The following CDH18 variants were observed in gnomAD, a reference collection of about 807,000 sequenced individuals.
CDH18 encodes cadherin-18.
Under a neutral mutation model 67.9 loss-of-function variants are expected in CDH18, and 31 were observed. That is an observed-to-expected ratio of 0.46 (90% CI 0.34 to 0.62). The LOEUF is 0.62. Among genes scored for constraint, CDH18 ranks in the 20% least tolerant of loss-of-function variants. The pLI is 0.01. For synonymous variants in CDH18, 362 were observed against 347.2 expected, an observed-to-expected ratio of 1.04 and a Z score of -0.48; for missense variants, 890 against 975.5, an observed-to-expected ratio of 0.91 and a Z score of 1.17.
At chr5:20,153,463 C>T (rs944623610) in intron 2 of CDH18, among the ~76,000 whole-genome samples, 2 of 152,152 alleles carry the variant, frequency 1.3e-5, no homozygotes, top group African/African-American at 4.8e-5. Context: ...ATGCATTAAA[C>T]ACTTACTGAT....
At chr5:20,399,292 A>G (rs940402565) in intron 1 of CDH18, among the ~76,000 whole-genome samples, 1 of 152,226 alleles carries the variant, frequency 6.6e-6, no homozygotes, top group African/African-American at 2.4e-5. Flanking sequence ...GACAATAGTG[A>G]TGATAAAATA....
chr5:19,827,839 A>G (rs1780564163), intron 3 of CDH18, among the ~76,000 whole-genome samples: 1 of 152,116 alleles, frequency 6.6e-6, no homozygotes, highest in Non-Finnish European at 1.5e-5. Flanking sequence ...AACCAACCAC[A>G]AAGTTTGCAG....
At chr5:19,665,898 T>C (rs933652994) in intron 5 of CDH18, among the ~76,000 whole-genome samples, 2 of 152,016 alleles carry the variant, frequency 1.3e-5, no homozygotes, top group African/African-American at 4.8e-5. Flanking sequence ...ACAGAATATG[T>C]GACACAGAAA....
intron 1 of CDH18, among the ~76,000 whole-genome samples, chr5:20,395,841 G>T (rs572151694): frequency 1.3e-5 from 2 of 152,180 alleles, no homozygotes; most frequent in Admixed American, 6.6e-5. Flanking sequence ...AAGGCTGAAG[G>T]CTTAGAAACC....
At chr5:19,645,686 C>T (rs529544210) in intron 5 of CDH18, among the ~76,000 whole-genome samples, 5 of 152,202 alleles carry the variant, frequency 3.3e-5, no homozygotes, top group East Asian at 1.9e-4. Flanking sequence ...TGAATAAGCA[C>T]GTCCTAAGGC....
intron 2 of CDH18, among the ~76,000 whole-genome samples, chr5:19,943,736 T>C (rs1169401830): frequency 6.6e-6 from 1 of 152,070 alleles, no homozygotes; most frequent in Non-Finnish European, 1.5e-5. Context: ...TAGAGTATTA[T>C]AGTGTTCTAT....
intron 2 of CDH18, among the ~76,000 whole-genome samples, chr5:19,909,712 T>C (rs1412540367): frequency 6.6e-6 from 1 of 152,050 alleles, no homozygotes; most frequent in African/African-American, 2.4e-5. Flanking sequence ...AATCTATACA[T>C]ATTGATGTCT....
chr5:19,582,507 A>G (rs181563139), intron 7 of CDH18, among the ~76,000 whole-genome samples: 3 of 152,084 alleles, frequency 2.0e-5, no homozygotes, highest in Non-Finnish European at 4.4e-5. Context: ...AAGTCATCCA[A>G]AATATAGTAA....
chr5:20,334,421 G>GCCAC (rs1259432297), intron 1 of CDH18, among the ~76,000 whole-genome samples: 2 of 151,900 alleles, frequency 1.3e-5, no homozygotes, highest in East Asian at 3.9e-4. Context: ...ACAGGCGTGA[G>GCCAC]CCACCGCGCC....
At chr5:20,409,586 C>G (rs2150141503) in intron 1 of CDH18, among the ~76,000 whole-genome samples, 1 of 151,428 alleles carries the variant, frequency 6.6e-6, no homozygotes, top group East Asian at 1.9e-4. Flanking sequence ...AATAAACAAC[C>G]TAACTTTACA....
intron 2 of CDH18, among the ~76,000 whole-genome samples, chr5:20,023,270 G>GT (rs1738584530): frequency 6.6e-6 from 1 of 152,070 alleles, no homozygotes; most frequent in African/African-American, 2.4e-5. Context: ...AGCTTTGCCT[G>GT]TGCTCAGGCT....
At chr5:20,009,356 A>G (rs1561709500) in intron 2 of CDH18, among the ~76,000 whole-genome samples, 1 of 152,126 alleles carries the variant, frequency 6.6e-6, no homozygotes, top group Non-Finnish European at 1.5e-5. Flanking sequence ...TGGAAGATGC[A>G]TTCTAAAATA....
chr5:19,988,602 G>T (rs1036663168), upstream of CDH18, among the ~76,000 whole-genome samples: 2 of 152,090 alleles, frequency 1.3e-5, no homozygotes, highest in Non-Finnish European at 2.9e-5. Flanking sequence ...CTCTGCGGGG[G>T]AGGGGAAACT....
At chr5:20,209,525 G>A (rs113894807) in intron 2 of CDH18, among the ~76,000 whole-genome samples, 1,613 of 152,096 alleles carry the variant, frequency 0.011, 19 homozygotes, top group African/African-American at 0.026. Flanking sequence ...TCACTCATAC[G>A]TGGGAGCTTA....
intron 1 of CDH18, among the ~76,000 whole-genome samples, chr5:20,504,713 A>G (rs1432357256): frequency 6.6e-6 from 1 of 151,934 alleles, no homozygotes; most frequent in East Asian, 2.0e-4. Flanking sequence ...TAAACTTAAT[A>G]AAAAATAAAG....
intron 2 of CDH18, among the ~76,000 whole-genome samples, chr5:20,052,129 TCAGAGAGAGCATTACA>T (rs1741478716): frequency 6.6e-6 from 1 of 152,108 alleles, no homozygotes; most frequent in African/African-American, 2.4e-5. Context: ...AGTGGTTGAG[TCAGAGAGAGCATTACA>T]CTGTAAATGG....
chr5:19,768,339 T>G (rs1561261799), intron 3 of CDH18, among the ~76,000 whole-genome samples: 1 of 152,084 alleles, frequency 6.6e-6, no homozygotes, highest in Non-Finnish European at 1.5e-5. Flanking sequence ...GAATTAGAGA[T>G]TTATAAGGAA....
chr5:20,452,299 T>G (rs1750508713), intron 1 of CDH18, among the ~76,000 whole-genome samples: 1 of 152,186 alleles, frequency 6.6e-6, no homozygotes, highest in Admixed American at 6.6e-5. Flanking sequence ...CTTGGAATAC[T>G]CACTTCTTCC....
At chr5:19,549,777 A>AAAGG in intron 8 of CDH18, among the ~76,000 whole-genome samples, 1 of 133,990 alleles carries the variant, frequency 7.5e-6, no homozygotes, top group Non-Finnish European at 1.7e-5. Flanking sequence ...AGAAAGAAAG[A>AAAGG]AAGGAAGAAA....
Sources: gnomAD v4.1 joint callset for allele counts (sites outside exome capture counted in the v4.1 genomes callset) on GRCh38, gnomAD v4.1.1 for gene constraint, MANE v1.5 for transcripts, NCBI Gene and HGNC (gene_info 2026-07-23, HGNC 2026-07-21) for gene names.